The following CTBP2 variants were observed in gnomAD, a reference collection of about 807,000 sequenced individuals.
CTBP2 encodes the protein C-terminal-binding protein 2.
A neutral mutation model predicts 80.3 loss-of-function variants in CTBP2; 30 were observed. The ratio of observed to expected loss-of-function variants is 0.37; its 90% CI spans 0.28 to 0.51. The LOEUF (loss-of-function observed/expected upper bound fraction) is 0.51, where lower values mean the gene tolerates loss of function less well. Among genes scored for constraint, CTBP2 ranks in the 20% least tolerant of loss-of-function variants. CTBP2 has a pLI of 0.93. For missense variants in CTBP2, 1,212 were observed against 1,375.3 expected, an observed-to-expected ratio of 0.88 and a Z score of 1.88; for synonymous variants, 594 against 587.4, an observed-to-expected ratio of 1.01 and a Z score of -0.16.
chr10:124,992,209 C>CTTTTT lies in CTBP2; in HGVS notation c.2777+481_2777+485dup, dbSNP rs61400691. 1.6e-3 allele frequency among the ~76,000 whole-genome samples: 168 copies of CTTTTT among 102,396 alleles called. 4 individuals carry two copies. Among genetic ancestry groups the CTTTTT allele is most frequent in the Middle Eastern group, 0.011 (1 of 92 alleles). The allele number at this position is 102,396 out of a possible 152,430, so 67.2% of individuals were successfully genotyped here. On this transcript the variant is annotated intron_variant, in intron 8 of 8. Coordinates refer to ENST00000309035, the MANE Select transcript of CTBP2 (RefSeq NM_022802.3). ...CGTATACCTTTCTCTTTGAGAAGCC[C>CTTTTT]TTTTTTTTTTTTTTTTTTTGGTGGT...
rs749731404 is a variant in CTBP2 at position 125,026,682 on chromosome 10, G to A, written c.1078C>T (p.Arg360Trp). The change falls in exon 1 of 9, where the codon CGG becomes TGG. Residue 360 changes from arginine (R) to tryptophan (W), a missense_variant. Physicochemically the swap from Arg to Trp is moderately radical, Grantham distance 101. This residue lies in a region of CTBP2 where 848 missense variants were observed against 782.3 expected (regional missense o/e 1.08). Transcript: ENST00000309035. ...CGCGCCCGGGGCAGCGGGCCCCCCC[G>A]GTCCTGCCTCCGCAGCTGCATTTCG... 139 of 1,609,112 alleles carry A rather than the reference G, an allele frequency of 8.6e-5. No homozygotes were observed. Among genetic ancestry groups the A allele is most frequent in the Non-Finnish European group, 1.1e-4 (129 of 1,178,368 alleles).
intron 2 of CTBP2, among the ~76,000 whole-genome samples, chr10:125,067,204 G>A (rs2135413748): frequency 6.6e-6 from 1 of 152,234 alleles, no homozygotes; most frequent in Non-Finnish European, 1.5e-5. Context: ...GCAGTAGAGG[G>A]ACAATCCACA....
At chr10:125,116,808 C>T (rs1853394121) in intron 1 of CTBP2, among the ~76,000 whole-genome samples, 1 of 152,206 alleles carries the variant, frequency 6.6e-6, no homozygotes, top group Admixed American at 6.5e-5. Context: ...ATAGCAGATC[C>T]TCCCAACGAT....
At chr10:125,142,570 G>A (rs766393346) in intron 1 of CTBP2, among the ~76,000 whole-genome samples, 2 of 152,212 alleles carry the variant, frequency 1.3e-5, no homozygotes, top group Non-Finnish European at 2.9e-5. Flanking sequence ...CGCCTAGATC[G>A]TCAAGACTTG....
At chr10:125,070,598 T>G (rs1354650123) in intron 2 of CTBP2, among the ~76,000 whole-genome samples, 1 of 150,004 alleles carries the variant, frequency 6.7e-6, no homozygotes. Context: ...ATTACCAATT[T>G]TAATACGGAA....
At chr10:125,069,331 C>T (rs1052460476) in intron 2 of CTBP2, among the ~76,000 whole-genome samples, 59 of 152,186 alleles carry the variant, frequency 3.9e-4, no homozygotes, top group African/African-American at 3.4e-4. Flanking sequence ...AAAAATACTG[C>T]CTATGGCCAA....
intron 2 of CTBP2, among the ~76,000 whole-genome samples, chr10:125,049,718 G>C (rs1962256088): frequency 6.6e-6 from 1 of 152,146 alleles, no homozygotes; most frequent in Admixed American, 6.5e-5. Flanking sequence ...GCAAACGCTG[G>C]CTGGGCTGCC....
intron 3 of CTBP2, chr10:124,999,896 A>C (rs1383146163): frequency 6.6e-6 from 1 of 152,220 alleles, no homozygotes; most frequent in Non-Finnish European, 1.5e-5. Flanking sequence ...CCCGCAGCAG[A>C]ATCACCCTCA....
Position 125,119,006 on chromosome 10 carries a change from G to T in CTBP2, c.-205-7913C>A, listed in dbSNP as rs542959823. On this transcript the variant is annotated intron_variant, in intron 1 of 10. Transcript: ENST00000337195. ...TCCAACTGGTGGCCACTACTAACCA[G>T]CTGGGGCATCCTGGTGTCAGGCTCC... Among the ~76,000 whole-genome samples the T allele has an allele frequency of 2.6e-3, 389 of 152,352 alleles. 3 individuals carry two copies. The highest frequency in any genetic ancestry group is 8.7e-3 in the African/African-American group (362 of 41,582).
chr10:125,084,335 A>C (rs1017063118), intron 2 of CTBP2, among the ~76,000 whole-genome samples: 7 of 152,170 alleles, frequency 4.6e-5, no homozygotes, highest in African/African-American at 1.7e-4. Flanking sequence ...TGCACGGAGA[A>C]CGGTCCAGTC....
At chr10:125,023,864 G>A (rs1409116909) in intron 1 of CTBP2, among the ~76,000 whole-genome samples, 1 of 152,198 alleles carries the variant, frequency 6.6e-6, no homozygotes, top group African/African-American at 2.4e-5. Context: ...TATAAGCAGT[G>A]CAACACCGCC....
intron 1 of CTBP2, among the ~76,000 whole-genome samples, chr10:125,124,947 G>A (rs143122174): frequency 1.3e-5 from 2 of 152,268 alleles, no homozygotes; most frequent in South Asian, 2.1e-4. Flanking sequence ...TCTCGATGAA[G>A]TATCGCCCTC....
chr10:125,134,433 A>G (rs1391499105), intron 1 of CTBP2, among the ~76,000 whole-genome samples: 1 of 152,188 alleles, frequency 6.6e-6, no homozygotes, highest in African/African-American at 2.4e-5. Context: ...TGGGGAATTC[A>G]GGTCCCTCTG....
chr10:125,147,592 C>A (rs980267280), intron 1 of CTBP2, among the ~76,000 whole-genome samples: 17 of 152,102 alleles, frequency 1.1e-4, no homozygotes, highest in African/African-American at 3.6e-4. Flanking sequence ...CGACATCTTC[C>A]AGGTATTTTT....
chr10:125,032,382 G>A (rs12761407), upstream of CTBP2, among the ~76,000 whole-genome samples: 14,434 of 152,228 alleles, frequency 0.095, 753 homozygotes, highest in South Asian at 0.17. Flanking sequence ...AGGTCTCCTC[G>A]GCTGTCCTGC....
chr10:125,005,836 A>G (rs1955170811), intron 1 of CTBP2: 1 of 1,594,194 alleles, frequency 6.3e-7, no homozygotes, highest in Non-Finnish European at 8.6e-7. Flanking sequence ...ACACACAGTG[A>G]GGAACACCCC....
chr10:125,059,599 T>C (rs1408367847), intron 2 of CTBP2, among the ~76,000 whole-genome samples: 1 of 152,120 alleles, frequency 6.6e-6, no homozygotes, highest in Non-Finnish European at 1.5e-5. Context: ...GACCCAAGGC[T>C]TGTCACCACC....
intron 2 of CTBP2, among the ~76,000 whole-genome samples, chr10:125,078,244 C>T (rs947472104): frequency 2.7e-5 from 4 of 146,908 alleles, no homozygotes; most frequent in Non-Finnish European, 4.4e-5. Context: ...CGCGCCTCTG[C>T]ACTCCAGCCT....
At chr10:125,102,039 TAAGCTCTTA>T (rs1850707448) in intron 2 of CTBP2, among the ~76,000 whole-genome samples, 1 of 152,188 alleles carries the variant, frequency 6.6e-6, no homozygotes, top group African/African-American at 2.4e-5. Flanking sequence ...CATTCTTGAC[TAAGCTCTTA>T]ACATGTACCA....
Sources: gnomAD v4.1 joint callset for allele counts (sites outside exome capture counted in the v4.1 genomes callset) on GRCh38, gnomAD v4.1.1 for gene constraint, gnomAD v4.1.1 regional missense constraint, MANE v1.5 for transcripts, NCBI Gene and HGNC (gene_info 2026-07-23, HGNC 2026-07-21) for gene names.